The following SGTB variants were observed in gnomAD, a reference collection of about 807,000 sequenced individuals.
SGTB encodes small glutamine-rich tetratricopeptide repeat-containing protein beta.
Under a neutral mutation model 43.9 loss-of-function variants are expected in SGTB, and 19 were observed. The observed-to-expected ratio is 0.43, with a 90% CI of 0.30 to 0.63. The LOEUF (loss-of-function observed/expected upper bound fraction) is 0.63. SGTB is among the 30% of genes least tolerant of loss of function. The pLI is 0.12. For missense variants in SGTB, 304 were observed against 358.9 expected, an observed-to-expected ratio of 0.85 and a Z score of 1.24; for synonymous variants, 116 against 117.3, an observed-to-expected ratio of 0.99 and a Z score of 0.07.
chr5:65,674,711 T>C (rs1757231219), intron 8 of SGTB, among the ~76,000 whole-genome samples: 1 of 152,212 alleles, frequency 6.6e-6, no homozygotes, highest in African/African-American at 2.4e-5. Context: ...TCACACCTTA[T>C]TTTGGTACAT....
intron 5 of SGTB, among the ~76,000 whole-genome samples, chr5:65,701,888 G>A (rs948102369): frequency 1.1e-4 from 17 of 152,098 alleles, no homozygotes; most frequent in African/African-American, 2.2e-4. Flanking sequence ...CCGCGTCGGC[G>A]TCCCAAAGTG....
At chr5:65,690,777 G>T (rs139745371) in intron 5 of SGTB, among the ~76,000 whole-genome samples, 1 of 152,202 alleles carries the variant, frequency 6.6e-6, no homozygotes, top group East Asian at 1.9e-4. Flanking sequence ...GGGGATGGGT[G>T]AGAATGGGGT....
At chr5:65,692,849 G>C (rs934878606) in intron 5 of SGTB, among the ~76,000 whole-genome samples, 16 of 152,064 alleles carry the variant, frequency 1.1e-4, no homozygotes, top group Admixed American at 3.3e-4. Context: ...GGATCAGCAA[G>C]AAAATTTTAT....
In SGTB at chr5:65,720,724, T is replaced by C; in HGVS notation, c.84A>G (p.Glu28=). 5 of 1,613,624 alleles carry C rather than the reference T, an allele frequency of 3.1e-6. No homozygotes were observed. The highest frequency in any genetic ancestry group is 2.5e-6 in the Non-Finnish European group (3 of 1,179,872). ...GATGCATACCTTCCAAACTTTCTTG[T>C]TCATCCGAGGTGTAAGTGTCCATCT... ...QSQMDTYTSD[E]QESLEVAIQC... is the part of the protein sequence containing the mutation. The change falls in exon 2 of 11, where the codon GAA becomes GAG. Residue 28 remains glutamate (E), a synonymous_variant. Coordinates refer to ENST00000381007, the MANE Select transcript of SGTB (RefSeq NM_019072.3).
chr5:65,671,798 A>T, intron 10 of SGTB, 117 bp downstream of exon 10: 2 of 916,828 alleles, frequency 2.2e-6, no homozygotes, highest in Non-Finnish European at 3.3e-6. Flanking sequence ...TAAGGAGGCT[A>T]AAGTTACTAA....
intron 5 of SGTB, among the ~76,000 whole-genome samples, chr5:65,699,673 G>A (rs1431256801): frequency 1.3e-5 from 2 of 152,128 alleles, no homozygotes; most frequent in Non-Finnish European, 2.9e-5. Context: ...CATCACATTG[G>A]CCAGGAACTG....
At chr5:65,690,035 A>G in intron 5 of SGTB, among the ~76,000 whole-genome samples, 1 of 151,898 alleles carries the variant, frequency 6.6e-6, no homozygotes, top group East Asian at 1.9e-4. Context: ...TAACCATTAG[A>G]AGAAGAGATA....
intron 2 of SGTB, among the ~76,000 whole-genome samples, chr5:65,716,389 TG>T (rs1241870771): frequency 2.6e-5 from 4 of 152,204 alleles, no homozygotes; most frequent in African/African-American, 9.6e-5. Context: ...AGATCACTGG[TG>T]CCTGTGTTTG....
chr5:65,700,946 G>A (rs1318953739), intron 5 of SGTB, among the ~76,000 whole-genome samples: 30 of 136,308 alleles, frequency 2.2e-4, no homozygotes, highest in Admixed American at 1.1e-3. Flanking sequence ...GGAGGCGGAG[G>A]TTGCAGTGAA....
chr5:65,717,422 AT>A (rs1300102984), intron 2 of SGTB, among the ~76,000 whole-genome samples: 12 of 151,984 alleles, frequency 7.9e-5, no homozygotes, highest in African/African-American at 2.9e-4. Context: ...GATTAAAAAA[AT>A]AAAATAACTA....
In SGTB at chr5:65,666,846, A is replaced by G. The variant is rs1054534932; in HGVS notation, c.*3400T>C. 2 of 152,338 alleles carry G rather than the reference A, an allele frequency of 1.3e-5. No individual in the cohort carries two copies. The highest frequency in any genetic ancestry group is 4.8e-5 in the African/African-American group (2 of 41,592). The allele number at this position is 152,338 out of a possible 1,614,324, so 9.4% of individuals were successfully genotyped here. ...TGTAAAAAGAATGGCTAATTTAACT[A>G]CAGATGTTAGCACATGAAGACATTG... On this transcript the variant is annotated 3_prime_UTR_variant, in exon 11 of 11. Coordinates refer to ENST00000381007, the MANE Select transcript of SGTB (RefSeq NM_019072.3).
chr5:65,713,210 T>G, intron 2 of SGTB, 146 bp from the exon 3 acceptor site: 1 of 589,300 alleles, frequency 1.7e-6, no homozygotes, highest in Non-Finnish European at 2.9e-6. Context: ...TGCAAAGAAA[T>G]TTCTGTTTAT....
chr5:65,704,708 C>G (rs2150718822), intron 4 of SGTB, among the ~76,000 whole-genome samples: 1 of 152,276 alleles, frequency 6.6e-6, no homozygotes, highest in Middle Eastern at 3.4e-3. Context: ...TCATCTCTCT[C>G]CTCCCTTTTA....
chr5:65,700,182 T>C (rs1352597745), intron 5 of SGTB, among the ~76,000 whole-genome samples: 1 of 152,226 alleles, frequency 6.6e-6, no homozygotes, highest in Non-Finnish European at 1.5e-5. Context: ...GTTAGACTAA[T>C]GCCAGGTATA....
At chr5:65,688,011 C>T (rs1163910281) in intron 5 of SGTB, among the ~76,000 whole-genome samples, 1 of 152,056 alleles carries the variant, frequency 6.6e-6, no homozygotes, top group Admixed American at 6.6e-5. Flanking sequence ...TCAAGTGATC[C>T]GCCCACCTCG....
intron 5 of SGTB, among the ~76,000 whole-genome samples, chr5:65,688,527 G>C (rs1468858731): frequency 6.6e-6 from 1 of 152,166 alleles, no homozygotes; most frequent in Non-Finnish European, 1.5e-5. Context: ...AGGGAATTCA[G>C]AGAAAGAACT....
chr5:65,712,033 G>C (rs1309889851), intron 3 of SGTB, among the ~76,000 whole-genome samples: 6 of 152,160 alleles, frequency 3.9e-5, no homozygotes, highest in Admixed American at 1.3e-4. Context: ...ACGATGGTTT[G>C]AGCCCAGGAG....
rs749038711 is a variant in SGTB at position 65,701,005 on chromosome 5, G to A, written c.374+3274C>T. On this transcript the variant is annotated intron_variant, in intron 5 of 10. Coordinates refer to ENST00000381007, the MANE Select transcript of SGTB (RefSeq NM_019072.3). ...AGCCTGGGCAACAGAGCAAGACTCC[G>A]TCTCAAAAAAAAAAAAAAAAAAAAA... Among the ~76,000 whole-genome samples, 18 of 88,722 alleles carry A rather than the reference G, an allele frequency of 2.0e-4. No homozygotes were observed. In the East Asian group the frequency reaches 2.5e-3, roughly 12 times the overall value. 58.2% of individuals were successfully genotyped at this position (88,722 alleles called of 152,430 possible). A position where few individuals can be genotyped will look rare whatever the true frequency, so the allele number is the denominator to read the frequency against.
intron 8 of SGTB, among the ~76,000 whole-genome samples, chr5:65,678,415 T>C (rs1036226049): frequency 2.0e-5 from 3 of 152,148 alleles, no homozygotes; most frequent in Admixed American, 2.0e-4. Context: ...AAAATGGCCA[T>C]ATTGCCTAAA....
Sources: gnomAD v4.1 joint callset for allele counts (sites outside exome capture counted in the v4.1 genomes callset) on GRCh38, gnomAD v4.1.1 for gene constraint, MANE v1.5 for transcripts, NCBI Gene and HGNC (gene_info 2026-07-23, HGNC 2026-07-21) for gene names.